The following STK32A variants were observed in gnomAD, a reference collection of about 807,000 sequenced individuals.
STK32A encodes the protein serine/threonine kinase 32A.
A neutral mutation model predicts 53.2 loss-of-function variants in STK32A; 41 were observed. That is an observed-to-expected ratio of 0.77 (90% confidence interval 0.60 to 1.00). The LOEUF (loss-of-function observed/expected upper bound fraction) is 1.00. Among genes scored for constraint, STK32A ranks in the 50% least tolerant of loss-of-function variants. STK32A has a pLI of 0.00. For synonymous variants in STK32A, 166 were observed against 162.8 expected, an observed-to-expected ratio of 1.02 and a Z score of -0.15; for missense variants, 458 against 485.8, an observed-to-expected ratio of 0.94 and a Z score of 0.54.
At chr5:147,348,837 G>A (rs772001597) in intron 6 of STK32A, 7 of 701,450 alleles carry the variant, frequency 1.0e-5, no homozygotes, top group Non-Finnish European at 1.6e-5. Context: ...CAAATGCTGT[G>A]CTAAGTCTCC....
chr5:147,256,033 T>C (rs1425757973), intron 2 of STK32A, among the ~76,000 whole-genome samples: 1 of 152,198 alleles, frequency 6.6e-6, no homozygotes, highest in Non-Finnish European at 1.5e-5. Context: ...CCAATTGGAC[T>C]AAAGCACAAG....
chr5:147,390,478 CAAAAA>C (rs151186049), downstream of STK32A, among the ~76,000 whole-genome samples: 1 of 110,890 alleles, frequency 9.0e-6, no homozygotes, highest in Non-Finnish European at 2.1e-5. Context: ...GGGGAAAGAC[CAAAAA>C]AAAAAAAAAA....
chr5:147,300,181 T>C (rs1451085253), intron 4 of STK32A, among the ~76,000 whole-genome samples: 5 of 152,222 alleles, frequency 3.3e-5, no homozygotes, highest in African/African-American at 1.2e-4. Context: ...TTATCTCATT[T>C]ATTCATCATA....
At chr5:147,400,588 C>G in the STK32A span, 1 of 1,447,474 alleles carries the variant, frequency 6.9e-7, no homozygotes. Flanking sequence ...TACGAGATCC[C>G]ATCTGCACTC....
intron 4 of STK32A, among the ~76,000 whole-genome samples, chr5:147,294,348 G>A (rs192887195): frequency 1.1e-4 from 16 of 152,074 alleles, no homozygotes; most frequent in African/African-American, 3.6e-4. Flanking sequence ...TGCAACCTCC[G>A]CCTCCTGGGT....
rs192319589 is a variant in STK32A at position 147,371,520 on chromosome 5, A to T, written c.777+750A>T. On this transcript the variant is annotated intron_variant, in intron 9 of 12. Transcript: ENST00000397936. ...TGCACATGCCAGTACCTATTCCTGGAACAGTGCCTCCAATCCTAGTTCCTC... is the reference window on the plus strand; with the variant it reads ...TGCACATGCCAGTACCTATTCCTGGTACAGTGCCTCCAATCCTAGTTCCTC... 1.4e-4 allele frequency among the ~76,000 whole-genome samples: 21 copies of T among 152,256 alleles called. No homozygotes were observed. The East Asian group carries it at 3.9e-3, about 28-fold the overall frequency.
intron 2 of STK32A, among the ~76,000 whole-genome samples, chr5:147,260,156 CCT>C (rs1407387008): frequency 2.5e-5 from 2 of 79,434 alleles, no homozygotes; most frequent in African/African-American, 1.0e-4. Flanking sequence ...CTGTCTCTCT[CCT>C]CTCTGTCTCT....
chr5:147,339,589 G>C (rs1755303810), intron 5 of STK32A, among the ~76,000 whole-genome samples: 1 of 152,254 alleles, frequency 6.6e-6, no homozygotes, highest in Non-Finnish European at 1.5e-5. Flanking sequence ...GCCTGGAAAA[G>C]CTGCAGACAT....
chr5:147,245,609 A>G (rs1014322460), intron 2 of STK32A, among the ~76,000 whole-genome samples: 12 of 152,194 alleles, frequency 7.9e-5, no homozygotes, highest in African/African-American at 2.7e-4. Flanking sequence ...CATTATGAGT[A>G]ATATGTGTAT....
intron 2 of STK32A, among the ~76,000 whole-genome samples, chr5:147,264,552 C>T (rs2895680): frequency 0.78 from 119,154 of 152,096 alleles, 47,134 homozygotes; most frequent in African/African-American, 0.87. Context: ...TTACTACAAC[C>T]CAATTGAGCC....
At chr5:147,356,420 G>T (rs1195062091) in intron 7 of STK32A, among the ~76,000 whole-genome samples, 1 of 151,948 alleles carries the variant, frequency 6.6e-6, no homozygotes, top group African/African-American at 2.4e-5. Context: ...TAGTACTATT[G>T]TTATAGTATA....
At chr5:147,285,792 G>A (rs1752302290) in intron 4 of STK32A, among the ~76,000 whole-genome samples, 1 of 151,872 alleles carries the variant, frequency 6.6e-6, no homozygotes. Context: ...TCAAAAAACA[G>A]CAGATGTTGG....
intron 2 of STK32A, among the ~76,000 whole-genome samples, chr5:147,274,814 T>A (rs1003580876): frequency 1.3e-5 from 2 of 152,196 alleles, no homozygotes; most frequent in Non-Finnish European, 1.5e-5. Flanking sequence ...TTTCCAAGAT[T>A]ACACAGCTAT....
chr5:147,268,414 G>A (rs956645558), intron 2 of STK32A, among the ~76,000 whole-genome samples: 3 of 152,014 alleles, frequency 2.0e-5, no homozygotes, highest in Admixed American at 1.3e-4. Context: ...CCCTATGGCA[G>A]CACTGCTTAT....
chr5:147,323,158 G>A (rs762361407), intron 4 of STK32A, among the ~76,000 whole-genome samples: 21 of 152,292 alleles, frequency 1.4e-4, no homozygotes, highest in African/African-American at 3.1e-4. Context: ...GAATGGGAGC[G>A]TAGGTCCAGC....
At position 147,263,046 on chromosome 5, in the gene STK32A, A is replaced by T. The variant is rs147675036; in HGVS notation, c.53-15078A>T. Among the ~76,000 whole-genome samples the T allele has an allele frequency of 3.8e-3, 581 of 152,340 alleles. 1 individual carries two copies. Among genetic ancestry groups the T allele is most frequent in the Admixed American group, 5.9e-3 (90 of 15,298 alleles). ...TACTATGGTTTATCCTCTGAAGAAG[A>T]AGTTTTCTTAGTGGGGAAGTTGAGT... On this transcript the variant is annotated intron_variant, in intron 2 of 12. Transcript: ENST00000397936.
Position 147,384,495 on chromosome 5 carries a change from T to G in STK32A, c.*512T>G. ...GATAAGGAATTCTATCAGGGAGGCA[T>G]GAATGGAATCAGATTAAAAGTAACA... On this transcript the variant is annotated 3_prime_UTR_variant, in exon 13 of 13. Coordinates refer to ENST00000397936, the MANE Select transcript of STK32A (RefSeq NM_001112724.2). 1 of 1,377,576 alleles carries G rather than the reference T, an allele frequency of 7.3e-7. No homozygotes were observed. Among genetic ancestry groups the G allele is most frequent in the Non-Finnish European group, 9.9e-7 (1 of 1,006,544 alleles). 85.3% of individuals were successfully genotyped at this position (1,377,576 alleles called of 1,614,324 possible).
At chr5:147,282,915 G>A (rs1410493093) in intron 4 of STK32A, among the ~76,000 whole-genome samples, 5 of 152,050 alleles carry the variant, frequency 3.3e-5, no homozygotes, top group East Asian at 1.9e-4. Context: ...AAGAAACAAT[G>A]GATTTAAACT....
intron 4 of STK32A, among the ~76,000 whole-genome samples, chr5:147,314,517 C>CAAAAAAA (rs775692160): frequency 2.4e-4 from 3 of 12,318 alleles, no homozygotes; most frequent in African/African-American, 9.3e-4. Context: ...CAAAAAAAAA[C>CAAAAAAA]AAAAAAAAAC....
Sources: gnomAD v4.1 joint callset for allele counts (sites outside exome capture counted in the v4.1 genomes callset) on GRCh38, gnomAD v4.1.1 for gene constraint, MANE v1.5 for transcripts, NCBI Gene and HGNC (gene_info 2026-07-23, HGNC 2026-07-21) for gene names.